The following ADAMTS17 variants were observed in gnomAD, a reference collection of about 807,000 sequenced individuals.
The protein encoded by ADAMTS17 is ADAM metallopeptidase with thrombospondin type 1 motif 17, also known as A disintegrin and metalloproteinase with thrombospondin motifs 17.
Under a neutral mutation model 141.5 loss-of-function variants are expected in ADAMTS17, and 113 were observed. The ratio of observed to expected loss-of-function variants is 0.80; its 90% CI spans 0.69 to 0.93. The LOEUF (loss-of-function observed/expected upper bound fraction) is 0.93. Ranked by LOEUF, ADAMTS17 falls within the 40% of genes least tolerant of loss-of-function variation. The pLI, the probability that ADAMTS17 is intolerant of heterozygous loss-of-function variation, is 0.00. For missense variants in ADAMTS17, 1,659 were observed against 1,517.9 expected (o/e 1.09, Z -1.54); for synonymous variants, 768 against 630.6 (o/e 1.22, Z -3.27).
Position 99,993,684 on chromosome 15 carries a change from G to T in ADAMTS17, c.2797-484C>A, listed in dbSNP as rs78580292. On this transcript the variant is annotated intron_variant, in intron 19 of 21. Coordinates refer to ENST00000268070, the MANE Select transcript of ADAMTS17 (RefSeq NM_139057.4). The surrounding 1 kb of genome is among the most constrained non-coding windows in gnomAD (Gnocchi z 4.3). ...AGCCTGGGACAAACTCCTCGATCCA[G>T]CCGGGAGAAGGAGGAGGAGGCGGCA... Among the ~76,000 whole-genome samples the T allele has an allele frequency of 0.014, 2,170 of 152,298 alleles. 54 individuals carry two copies. The highest frequency in any genetic ancestry group is 0.049 in the African/African-American group (2,037 of 41,542).
Position 99,974,026 on chromosome 15 carries a change from A to C in ADAMTS17, c.*376T>G, listed in dbSNP as rs2060267332. ...TTTTCTAGCATGTCTCGTTTTGGGGATGTTTCCTCCATGATATACCAAGCA... is the reference window on the plus strand; with the variant it reads ...TTTTCTAGCATGTCTCGTTTTGGGGCTGTTTCCTCCATGATATACCAAGCA... On this transcript the variant is annotated 3_prime_UTR_variant, in exon 22 of 22. Coordinates refer to ENST00000268070, the MANE Select transcript of ADAMTS17 (RefSeq NM_139057.4). 6.7e-6 allele frequency: 2 copies of C among 299,092 alleles called. No individual in the cohort carries two copies. The highest frequency in any genetic ancestry group is 1.3e-5 in the Non-Finnish European group (2 of 157,132). The allele number at this position is 299,092 out of a possible 1,614,324, so 18.5% of individuals were successfully genotyped here.
At chr15:100,153,965 C>A (rs956378642) in intron 9 of ADAMTS17, among the ~76,000 whole-genome samples, 1 of 152,134 alleles carries the variant, frequency 6.6e-6, no homozygotes, top group African/African-American at 2.4e-5. Flanking sequence ...CAGATCACCT[C>A]GGATCAGGAG....
intron 3 of ADAMTS17, among the ~76,000 whole-genome samples, chr15:100,292,539 AGAAATTATGAGAGACACTCACCCCGTGT>A (rs1567498057): frequency 1.4e-5 from 2 of 141,652 alleles, no homozygotes; most frequent in African/African-American, 2.6e-5. Flanking sequence ...TCACCCCGTG[AGAAATTATGAGAGACACTCACCCCGTGT>A]GAAATTATGA....
At chr15:100,241,595 G>C (rs989645635) in intron 7 of ADAMTS17, among the ~76,000 whole-genome samples, 1 of 152,220 alleles carries the variant, frequency 6.6e-6, no homozygotes, top group African/African-American at 2.4e-5. Flanking sequence ...GGCCAACGGA[G>C]AAAGAGCCCC....
intron 8 of ADAMTS17, among the ~76,000 whole-genome samples, chr15:100,169,807 G>C (rs149369106): frequency 6.6e-6 from 1 of 152,188 alleles, no homozygotes; most frequent in Non-Finnish European, 1.5e-5. Context: ...ACTGGGACTC[G>C]CCTGCAACAC....
chr15:100,009,435 C>T (rs2061113497), intron 18 of ADAMTS17, among the ~76,000 whole-genome samples: 1 of 152,180 alleles, frequency 6.6e-6, no homozygotes, highest in African/African-American at 2.4e-5. Flanking sequence ...CTCAAATTCT[C>T]AGAAGGACCT....
At chr15:100,216,728 T>A (rs2041979600) in intron 7 of ADAMTS17, among the ~76,000 whole-genome samples, 1 of 152,186 alleles carries the variant, frequency 6.6e-6, no homozygotes, top group Admixed American at 6.5e-5. Flanking sequence ...GGCGCCCACC[T>A]TGGTTAGGTC....
chr15:100,180,900 G>C lies in ADAMTS17; in HGVS notation c.1181+18418C>G, dbSNP rs920041016. Among the ~76,000 whole-genome samples, 6 of 152,304 alleles carry C rather than the reference G, an allele frequency of 3.9e-5. No individual in the cohort carries two copies. In the South Asian group the frequency reaches 1.0e-3, roughly 26 times the overall value. ...CCAGCAAGGCTTGTCCTTCCCTTCA[G>C]GGCGGCAAGTTCCCCTAGGCCCCAG... On this transcript the variant is annotated intron_variant, in intron 8 of 21. Coordinates refer to ENST00000268070, the MANE Select transcript of ADAMTS17 (RefSeq NM_139057.4).
chr15:99,983,163 A>G (rs1596151185), intron 20 of ADAMTS17, among the ~76,000 whole-genome samples: 1 of 152,134 alleles, frequency 6.6e-6, no homozygotes, highest in Non-Finnish European at 1.5e-5. Flanking sequence ...AACGGCAGTC[A>G]CCGTCGCAGC....
intron 15 of ADAMTS17, among the ~76,000 whole-genome samples, chr15:100,089,246 C>T (rs2035298521): frequency 7.4e-6 from 1 of 134,494 alleles, no homozygotes; most frequent in Non-Finnish European, 1.5e-5. Context: ...TGCTCATCAT[C>T]ACTGGCCATC....
At chr15:100,319,786 G>A (rs1300103052) in intron 3 of ADAMTS17, among the ~76,000 whole-genome samples, 2 of 151,824 alleles carry the variant, frequency 1.3e-5, no homozygotes, top group African/African-American at 2.4e-5. Context: ...AGATCTAGGT[G>A]GGGCGCGGTG....
chr15:100,184,248 T>G (rs1439647988), intron 8 of ADAMTS17, among the ~76,000 whole-genome samples: 1 of 152,098 alleles, frequency 6.6e-6, no homozygotes, highest in African/African-American at 2.4e-5. Flanking sequence ...AGACTGTTCT[T>G]GGGTTTTATG....
chr15:100,091,028 A>AAAAAAAAAAAG (rs369355348), intron 15 of ADAMTS17, among the ~76,000 whole-genome samples: 1 of 143,638 alleles, frequency 7.0e-6, no homozygotes, highest in African/African-American at 2.7e-5. Flanking sequence ...AAAAAAAAAA[A>AAAAAAAAAAAG]GGGTAACCAA....
At chr15:100,137,202 T>C (rs1021079299) in intron 10 of ADAMTS17, among the ~76,000 whole-genome samples, 11 of 151,904 alleles carry the variant, frequency 7.2e-5, no homozygotes, top group African/African-American at 2.4e-4. Flanking sequence ...GAAACCAACG[T>C]AGGAATGGGA....
intron 18 of ADAMTS17, among the ~76,000 whole-genome samples, chr15:100,036,752 A>G (rs1453515826): frequency 6.6e-6 from 1 of 151,940 alleles, no homozygotes; most frequent in Non-Finnish European, 1.5e-5. Context: ...CTCCCTCCTC[A>G]TTAGCACTAG....
intron 21 of ADAMTS17, 79 bp from the exon 22 acceptor site, chr15:99,974,641 G>A (rs1567626911): frequency 6.3e-7 from 1 of 1,579,804 alleles, no homozygotes; most frequent in Non-Finnish European, 8.7e-7. Context: ...GAGGGCTTGT[G>A]GTCTGACCGT....
chr15:100,135,823 G>A (rs2038301609), intron 10 of ADAMTS17, among the ~76,000 whole-genome samples: 1 of 152,142 alleles, frequency 6.6e-6, no homozygotes, highest in Non-Finnish European at 1.5e-5. Context: ...ATATGAAAAG[G>A]TGCTCAACTT....
intron 15 of ADAMTS17, among the ~76,000 whole-genome samples, chr15:100,057,560 T>G (rs945391287): frequency 2.0e-5 from 3 of 152,166 alleles, no homozygotes; most frequent in Admixed American, 2.0e-4. Flanking sequence ...TTGTTGCTTC[T>G]GTGAACACCC....
At chr15:100,098,931 G>A (rs961369221) in intron 14 of ADAMTS17, among the ~76,000 whole-genome samples, 1 of 152,202 alleles carries the variant, frequency 6.6e-6, no homozygotes, top group South Asian at 2.1e-4. Flanking sequence ...GGTGCCCTCT[G>A]CTGTAGACAT....
Sources: allele counts gnomAD v4.1 joint callset (sites outside exome capture counted in the v4.1 genomes callset), GRCh38; gene constraint gnomAD v4.1.1; non-coding constraint Gnocchi (gnomAD v3.1); transcripts MANE v1.5; gene names NCBI Gene and HGNC (gene_info 2026-07-23, HGNC 2026-07-21).